Variants in WDR76 observed in about 807,000 individuals in gnomAD.
The protein encoded by WDR76 is WD repeat-containing protein 76.
A neutral mutation model predicts 70.2 loss-of-function variants in WDR76; 52 were observed. That is an observed-to-expected ratio of 0.74 (90% CI 0.59 to 0.93). The LOEUF (loss-of-function observed/expected upper bound fraction) is 0.93. Among genes scored for constraint, WDR76 ranks in the 40% least tolerant of loss-of-function variants. WDR76 has a pLI of 0.00. For synonymous variants in WDR76, 292 were observed against 271.1 expected (o/e 1.08, Z -0.76); for missense variants, 756 against 760.2 (o/e 0.99, Z 0.07).
intron 8 of WDR76, among the ~76,000 whole-genome samples, chr15:43,850,230 A>G (rs1447637437): frequency 1.3e-5 from 2 of 152,040 alleles, no homozygotes; most frequent in Non-Finnish European, 2.9e-5. Flanking sequence ...GTATATTAAT[A>G]TGGAAATTCA....
At position 43,866,137 on chromosome 15, in the gene WDR76, T is replaced by G; in HGVS notation, c.1626T>G (p.Thr542=). Residue 542 remains threonine, a synonymous_variant, in exon 13 of 13, where the codon ACT becomes ACG. Coordinates refer to ENST00000263795, the MANE Select transcript of WDR76 (RefSeq NM_024908.4). ...TTGTTTTCCTCACTAGGCACAACAC[T>G]TTCACTGGGCGATGGCTGACCAGGT... The part of the protein sequence containing the change: ...IPLLTTIRHN[T]FTGRWLTRFQ... 1 of 1,614,164 alleles carries G rather than the reference T, an allele frequency of 6.2e-7. No individual in the cohort carries two copies.
At chr15:43,859,802 T>C (rs2087973962) in intron 11 of WDR76, among the ~76,000 whole-genome samples, 1 of 152,358 alleles carries the variant, frequency 6.6e-6, no homozygotes, top group East Asian at 1.9e-4. Flanking sequence ...TTTGGCTTTC[T>C]ACTAATCTAT....
intron 4 of WDR76, among the ~76,000 whole-genome samples, chr15:43,837,571 G>C (rs1312582863): frequency 2.4e-4 from 36 of 152,124 alleles, no homozygotes; most frequent in Admixed American, 2.4e-3. Context: ...TTGGGTTCAA[G>C]TTTTGATTCA....
intron 12 of WDR76, among the ~76,000 whole-genome samples, chr15:43,862,967 G>A (rs373196671): frequency 1.1e-4 from 17 of 148,876 alleles, no homozygotes; most frequent in Non-Finnish European, 2.5e-4. Flanking sequence ...ACAGAGTCTC[G>A]CTCTGTTGTC....
intron 1 of WDR76, 27 bp downstream of exon 1, chr15:43,827,119 G>C (rs1172992887): frequency 6.2e-7 from 1 of 1,613,678 alleles, no homozygotes; most frequent in Admixed American, 1.7e-5. Context: ...TGCTTCCAAG[G>C]TGTGCTCCTG....
chr15:43,839,132 A>G (rs144215531), intron 4 of WDR76, among the ~76,000 whole-genome samples: 47 of 152,342 alleles, frequency 3.1e-4, no homozygotes, highest in African/African-American at 1.1e-3. Flanking sequence ...AGTGTATGGA[A>G]GGGAATGCAG....
intron 5 of WDR76, among the ~76,000 whole-genome samples, chr15:43,840,759 G>A (rs1298007701): frequency 6.6e-5 from 10 of 151,892 alleles, no homozygotes; most frequent in Admixed American, 6.6e-4. Flanking sequence ...CAGGAGGATC[G>A]CTTGAACCCA....
chr15:43,844,156 T>TA (rs983027125), intron 8 of WDR76, 102 bp downstream of exon 8: 14 of 1,129,306 alleles, frequency 1.2e-5, no homozygotes, highest in Non-Finnish European at 1.7e-5. Flanking sequence ...GCGTGAGACT[T>TA]ACAATTTTGG....
chr15:43,832,027 G>A (rs528036156), intron 2 of WDR76, among the ~76,000 whole-genome samples: 1 of 152,232 alleles, frequency 6.6e-6, no homozygotes, highest in South Asian at 2.1e-4. Context: ...GATTATAGGC[G>A]TGAGCCACTG....
chr15:43,847,019 C>T (rs1172198525), intron 8 of WDR76, among the ~76,000 whole-genome samples: 3 of 66,900 alleles, frequency 4.5e-5, no homozygotes, highest in Admixed American at 2.1e-4. Flanking sequence ...CAAAACACCA[C>T]CTCAAAAAAA....
In WDR76 at chr15:43,856,851, T is replaced by TAA. The variant is rs906209707; in HGVS notation, c.1192-93_1192-92dup. 3 of 1,050,168 alleles carry TAA rather than the reference T, an allele frequency of 2.9e-6. No homozygotes were observed. The African/African-American group carries it at 4.8e-5, about 17-fold the overall frequency. The allele number at this position is 1,050,168 out of a possible 1,614,324, so 65.1% of individuals were successfully genotyped here. ...GAGAGGATAAATGAGGTTATTTGGG[T>TAA]AAAGTGTTTTATAACCCTTTTACCA... is the stretch of plus-strand genomic sequence containing the variant. On this transcript the variant is annotated intron_variant, in intron 9 of 12. Transcript: ENST00000263795.
At chr15:43,842,819 C>CCATATACAATACCACTAGGATATAAGCTT (rs932807762) in intron 7 of WDR76, 148 bp downstream of exon 7, 4 of 699,772 alleles carry the variant, frequency 5.7e-6, no homozygotes, top group African/African-American at 1.8e-5. Flanking sequence ...ACAAGTGTTG[C>CCATATACAATACCACTAGGATATAAGCTT]CATATACAAT....
chr15:43,844,129 A>G, intron 8 of WDR76, 75 bp downstream of exon 8: 1 of 1,368,936 alleles, frequency 7.3e-7, no homozygotes, highest in Non-Finnish European at 9.7e-7. Context: ...GGCTAGAGCC[A>G]TGTGTTTATA....
chr15:43,850,584 C>T lies in WDR76; in HGVS notation c.1033-503C>T, dbSNP rs535284350. On this transcript the variant is annotated intron_variant, in intron 8 of 12. Transcript: ENST00000263795. ...TGCTAGGATTACAGGCGTGAGCCAC[C>T]GCGCCCGGCCATTTTTATGGTGCAT... Among the ~76,000 whole-genome samples, 39 of 152,250 alleles carry T rather than the reference C, an allele frequency of 2.6e-4. No homozygotes were observed. In the South Asian group the frequency reaches 6.0e-3, roughly 23 times the overall value.
At chr15:43,836,836 G>A (rs1057288640) in intron 4 of WDR76, among the ~76,000 whole-genome samples, 4 of 150,938 alleles carry the variant, frequency 2.7e-5, no homozygotes, top group African/African-American at 9.8e-5. Flanking sequence ...TTCAAGACTG[G>A]CCTGACCAAC....
At chr15:43,835,020 A>AT in intron 2 of WDR76, 41 bp from the exon 3 acceptor site, 1 of 1,552,248 alleles carries the variant, frequency 6.4e-7, no homozygotes, top group Non-Finnish European at 8.9e-7. Flanking sequence ...TTTCCTGTAG[A>AT]TTATATAAAG....
chr15:43,827,177 G>A lies in WDR76; in HGVS notation c.60+85G>A. On this transcript the variant is annotated intron_variant, in intron 1 of 12. Transcript: ENST00000263795. ...GCGGGACACAGGCCCAGGAGGTCGA[G>A]GGCACCTGGCACCGGGGGTAGGCGG... The A allele has an allele frequency of 2.5e-6, 4 of 1,579,496 alleles. No individual in the cohort carries two copies. The South Asian group carries it at 4.4e-5, about 18-fold the overall frequency.
intron 11 of WDR76, among the ~76,000 whole-genome samples, chr15:43,859,928 C>G (rs1483059807): frequency 6.6e-6 from 1 of 152,170 alleles, no homozygotes; most frequent in Non-Finnish European, 1.5e-5. Context: ...GTGGAGGCTT[C>G]TAGACTCCTC....
chr15:43,840,062 C>T (rs1213579390), intron 5 of WDR76, among the ~76,000 whole-genome samples: 10 of 151,942 alleles, frequency 6.6e-5, no homozygotes, highest in Admixed American at 6.6e-4. Flanking sequence ...TTTCACCATG[C>T]TGGCCAGGCT....
Sources: allele counts gnomAD v4.1 joint callset (sites outside exome capture counted in the v4.1 genomes callset), GRCh38; gene constraint gnomAD v4.1.1; transcripts MANE v1.5; gene names NCBI Gene and HGNC (gene_info 2026-07-23, HGNC 2026-07-21).